NIPAL1: variants seen among roughly 807,000 people sequenced by gnomAD.
The protein encoded by NIPAL1 is NIPA like domain containing 1.
A neutral mutation model predicts 37.7 loss-of-function variants in NIPAL1; 35 were observed. The ratio of observed to expected loss-of-function variants is 0.93; its 90% confidence interval spans 0.71 to 1.23. The LOEUF (loss-of-function observed/expected upper bound fraction) is 1.23, where lower values mean the gene tolerates loss of function less well. Among genes scored for constraint, NIPAL1 ranks in the 50% most tolerant of loss-of-function variants. The pLI, the probability that NIPAL1 is intolerant of heterozygous loss-of-function variation, is 0.00. For missense variants in NIPAL1, 412 were observed against 473.9 expected (o/e 0.87, Z 1.21); for synonymous variants, 162 against 183.0 (o/e 0.89, Z 0.93).
intron 3 of NIPAL1, 69 bp from the exon 4 acceptor site, chr4:48,032,924 G>T: frequency 9.8e-7 from 1 of 1,024,856 alleles, no homozygotes; most frequent in South Asian, 1.3e-5. Context: ...TGCTTTGCAT[G>T]AGTCATTTGT....
At chr4:48,020,914 T>G (rs966319862) in intron 1 of NIPAL1, among the ~76,000 whole-genome samples, 2 of 152,230 alleles carry the variant, frequency 1.3e-5, no homozygotes, top group African/African-American at 4.8e-5. Context: ...ACCAGATTTC[T>G]ATTCCATGTA....
At chr4:48,022,599 T>C (rs1283409750) in intron 1 of NIPAL1, among the ~76,000 whole-genome samples, 1 of 152,234 alleles carries the variant, frequency 6.6e-6, no homozygotes, top group Non-Finnish European at 1.5e-5. Context: ...GTTAACTGCA[T>C]AGTAAATGAC....
intron 1 of NIPAL1, among the ~76,000 whole-genome samples, chr4:48,022,820 C>CAAA (rs56833476): frequency 6.6e-6 from 1 of 150,428 alleles, no homozygotes; most frequent in Non-Finnish European, 1.5e-5. Context: ...CCCATCTCTA[C>CAAA]AAAAAAAAAC....
chr4:48,019,404 G>C lies in NIPAL1; in HGVS notation c.46+2519G>C, dbSNP rs114380620. Among the ~76,000 whole-genome samples the C allele has an allele frequency of 2.5e-3, 383 of 152,304 alleles. 2 individuals are homozygous for C. The highest frequency in any genetic ancestry group is 8.8e-3 in the African/African-American group (364 of 41,558). On this transcript the variant is annotated intron_variant, in intron 1 of 5. Transcript: ENST00000295461. ...AGAAACAAATGCAAATATGTATGAA[G>C]GTTGTTATAAAGCTGTAATTAAGCC...
chr4:48,035,651 G>C lies in NIPAL1; in HGVS notation c.712G>C (p.Val238Leu). The C allele has an allele frequency of 6.2e-7, 1 of 1,613,822 alleles. No individual in the cohort carries two copies. The highest frequency in any genetic ancestry group is 8.5e-7 in the Non-Finnish European group (1 of 1,179,874). The change falls in exon 6 of 6, where the codon GTT (valine) becomes CTT (leucine). Residue 238 changes from valine (V) to leucine (L), a missense_variant. Val to Leu is a conservative substitution (Grantham distance 32, BLOSUM62 1). Transcript: ENST00000295461. ...CAAGAAAGGACAGACCAATATATTG[G>C]TTTATATTTCAATCTGTTCCTTGAT... Reference protein sequence around the residue: ...APKKGQTNILVYISICSLIGA... With the variant: ...APKKGQTNILLYISICSLIGA...
chr4:48,025,019 A>G (rs1162931360), intron 1 of NIPAL1, 49 bp from the exon 2 acceptor site: 2 of 1,547,234 alleles, frequency 1.3e-6, no homozygotes, highest in Non-Finnish European at 1.8e-6. Flanking sequence ...GGTAAGCATT[A>G]ATACCTCTCC....
intron 1 of NIPAL1, among the ~76,000 whole-genome samples, chr4:48,020,875 A>C (rs1176674517): frequency 1.3e-5 from 2 of 152,188 alleles, no homozygotes; most frequent in Non-Finnish European, 2.9e-5. Flanking sequence ...TTAAAAAGGT[A>C]GTTTTATACA....
intron 1 of NIPAL1, among the ~76,000 whole-genome samples, chr4:48,023,204 C>T (rs1289793594): frequency 6.6e-6 from 1 of 151,982 alleles, no homozygotes; most frequent in East Asian, 1.9e-4. Flanking sequence ...GCCACCATGT[C>T]CAACTATTCT....
In NIPAL1 at chr4:48,037,554, G is replaced by A. The variant is rs116050608; in HGVS notation, c.*1382G>A. The A allele has an allele frequency of 4.4e-3, 700 of 157,846 alleles. 5 individuals carry two copies. The highest frequency in any genetic ancestry group is 0.016 in the African/African-American group (670 of 41,592). 9.8% of individuals were successfully genotyped at this position (157,846 alleles called of 1,614,324 possible). A position where few individuals can be genotyped will look rare whatever the true frequency, so the allele number is the denominator to read the frequency against. On this transcript the variant is annotated 3_prime_UTR_variant, in exon 6 of 6. Transcript: ENST00000295461. Reference sequence around the variant, plus strand: ...TTTGGAAGCAACTAGAAAAATCTTTGTGAAAAATCTGAACAAATTATCATA... The same window carrying A: ...TTTGGAAGCAACTAGAAAAATCTTTATGAAAAATCTGAACAAATTATCATA...
intron 1 of NIPAL1, among the ~76,000 whole-genome samples, chr4:48,023,816 A>G (rs1259619142): frequency 6.6e-6 from 1 of 152,140 alleles, no homozygotes; most frequent in African/African-American, 2.4e-5. Flanking sequence ...AATTCTTTTT[A>G]TTAGATTCCA....
chr4:48,021,721 C>A lies in NIPAL1; in HGVS notation c.47-3347C>A, dbSNP rs564612326. On this transcript the variant is annotated intron_variant, in intron 1 of 5. Transcript: ENST00000295461. ...AAAACAAGTCACCTAAGAACAAATT[C>A]TTTATCATTACACTTTCATAGGTGC... 6.6e-5 allele frequency among the ~76,000 whole-genome samples: 10 copies of A among 152,148 alleles called. No homozygotes were observed. The South Asian group carries it at 2.1e-3, about 32-fold the overall frequency.
chr4:48,031,210 A>G (rs1426168154), intron 3 of NIPAL1, among the ~76,000 whole-genome samples: 7 of 151,892 alleles, frequency 4.6e-5, no homozygotes, highest in Non-Finnish European at 1.0e-4. Flanking sequence ...GATTACAGGC[A>G]CACACCACCA....
Position 48,036,367 on chromosome 4 carries a change from C to T in NIPAL1, c.*195C>T, listed in dbSNP as rs1469877401. On this transcript the variant is annotated 3_prime_UTR_variant, in exon 6 of 6. Coordinates refer to ENST00000295461, the MANE Select transcript of NIPAL1 (RefSeq NM_207330.3). ...AATTGATTATCCTCCAGAATCTCTA[C>T]AAACTTTGAAATACTCTCTAAGGAT... 5.6e-6 allele frequency: 3 copies of T among 533,962 alleles called. No individual in the cohort carries two copies. The highest frequency in any genetic ancestry group is 4.0e-5 in the African/African-American group (2 of 50,402). 33.1% of individuals were successfully genotyped at this position (533,962 alleles called of 1,614,324 possible). A position where few individuals can be genotyped will look rare whatever the true frequency, so the allele number is the denominator to read the frequency against.
In NIPAL1 at chr4:48,025,345, C is replaced by A. The variant is rs1339804102; in HGVS notation, c.313+11C>A. 1 of 1,611,172 alleles carries A rather than the reference C, an allele frequency of 6.2e-7. No individual in the cohort carries two copies. The highest frequency in any genetic ancestry group is 1.7e-5 in the Admixed American group (1 of 59,522). ...GCTTTACTAGAGCTGGTAAGAAACA[C>A]ATGCAACTAATGAATTTAAGTTTCT... On this transcript the variant is annotated intron_variant, in intron 2 of 5. Coordinates refer to ENST00000295461, the MANE Select transcript of NIPAL1 (RefSeq NM_207330.3).
At chr4:48,025,042 A>G (rs1380844832) in intron 1 of NIPAL1, 26 bp from the exon 2 acceptor site, 3 of 1,605,234 alleles carry the variant, frequency 1.9e-6, no homozygotes, top group African/African-American at 2.7e-5. Flanking sequence ...TTCATTCCTG[A>G]CATTCTCTTC....
intron 3 of NIPAL1, among the ~76,000 whole-genome samples, chr4:48,032,459 C>T (rs1560324990): frequency 6.6e-6 from 1 of 152,170 alleles, no homozygotes; most frequent in Non-Finnish European, 1.5e-5. Context: ...TCTCGTTAAG[C>T]TACTGAGATA....
rs762456016 is a variant in NIPAL1 at position 48,035,963 on chromosome 4, A to C, written c.1024A>C (p.Ser342Arg). The stretch of plus-strand genomic sequence containing the variant: ...AGCTGGAGATATCATTGGGACCCTG[A>C]GTGGATTCTTCACTATTATCATTGG... ...MTAGDIIGTL[S>R]GFFTIIIGIF... The change falls in exon 6 of 6, where the codon AGT becomes CGT. Residue 342 changes from serine (S) to arginine (R), a missense_variant. Physicochemically the swap from Ser to Arg is moderately radical, Grantham distance 110. Transcript: ENST00000295461. 5 of 1,613,726 alleles carry C rather than the reference A, an allele frequency of 3.1e-6. No homozygotes were observed. The African/African-American group carries it at 6.7e-5, about 22-fold the overall frequency.
chr4:48,018,254 TA>T (rs1056949439), intron 1 of NIPAL1, among the ~76,000 whole-genome samples: 8 of 152,130 alleles, frequency 5.3e-5, no homozygotes, highest in African/African-American at 1.9e-4. Flanking sequence ...TGACAGTTAC[TA>T]ACACACCCAC....
intron 1 of NIPAL1, among the ~76,000 whole-genome samples, chr4:48,017,977 C>T (rs1001360676): frequency 1.3e-5 from 2 of 151,748 alleles, no homozygotes; most frequent in African/African-American, 4.8e-5. Context: ...CAAGTGAGCT[C>T]GTCCAAACCA....
Sources: gnomAD v4.1 joint callset for allele counts (sites outside exome capture counted in the v4.1 genomes callset) on GRCh38, gnomAD v4.1.1 for gene constraint, MANE v1.5 for transcripts, NCBI Gene and HGNC (gene_info 2026-07-23, HGNC 2026-07-21) for gene names.